Variants in KCNAB1 observed in about 807,000 individuals in gnomAD.
The protein encoded by KCNAB1 is potassium voltage-gated channel subfamily A regulatory beta subunit 1.
KCNAB1 carries 35 observed loss-of-function variants against 64.6 expected under a neutral mutation model. The observed-to-expected ratio is 0.54, with a 90% CI of 0.41 to 0.72. The LOEUF is 0.72. Ranked by LOEUF, KCNAB1 falls within the 30% of genes least tolerant of loss-of-function variation. KCNAB1 has a pLI of 0.00. For synonymous variants in KCNAB1, 177 were observed against 183.8 expected, an observed-to-expected ratio of 0.96 and a Z score of 0.30; for missense variants, 401 against 512.9, an observed-to-expected ratio of 0.78 and a Z score of 2.11.
chr3:156,209,938 G>C (rs1185711077), intron 1 of KCNAB1, among the ~76,000 whole-genome samples: 1 of 152,244 alleles, frequency 6.6e-6, no homozygotes, highest in African/African-American at 2.4e-5. Context: ...TTAGACATTA[G>C]AGACAATTTC....
chr3:156,139,584 GTTTTTT>G (rs386398329), intron 1 of KCNAB1, among the ~76,000 whole-genome samples: 54 of 55,256 alleles, frequency 9.8e-4, no homozygotes, highest in Admixed American at 2.3e-3. Context: ...ATTGTACTGT[GTTTTTT>G]TTTTTTTTTT....
intron 1 of KCNAB1, among the ~76,000 whole-genome samples, chr3:156,299,145 C>T (rs1413718139): frequency 6.6e-6 from 1 of 152,230 alleles, no homozygotes; most frequent in Admixed American, 6.5e-5. Flanking sequence ...GGGCAGAGTT[C>T]CTTATGCTCC....
intron 1 of KCNAB1, among the ~76,000 whole-genome samples, chr3:156,165,053 C>T (rs374261823): frequency 6.6e-6 from 1 of 151,746 alleles, no homozygotes; most frequent in African/African-American, 2.4e-5. Flanking sequence ...CCGAGGCGGG[C>T]GGATCACGAG....
At chr3:156,443,774 ACACACAC>A (rs1282740281) in intron 2 of KCNAB1, among the ~76,000 whole-genome samples, 6 of 146,668 alleles carry the variant, frequency 4.1e-5, no homozygotes, top group Non-Finnish European at 9.0e-5. Flanking sequence ...ACACACACAC[ACACACAC>A]TATTCTTTAC....
At chr3:156,169,684 T>A (rs1711834346) in intron 1 of KCNAB1, among the ~76,000 whole-genome samples, 1 of 152,190 alleles carries the variant, frequency 6.6e-6, no homozygotes, top group South Asian at 2.1e-4. Flanking sequence ...TGTCTCGTGA[T>A]AGAGTCCTCA....
chr3:156,206,178 G>A (rs1441144033), intron 1 of KCNAB1, among the ~76,000 whole-genome samples: 1 of 152,138 alleles, frequency 6.6e-6, no homozygotes, highest in Non-Finnish European at 1.5e-5. Context: ...TTTGACCAGT[G>A]GTTCTCAGAT....
At chr3:156,282,603 G>A (rs1203874774) in intron 1 of KCNAB1, among the ~76,000 whole-genome samples, 13 of 134,766 alleles carry the variant, frequency 9.6e-5, no homozygotes, top group African/African-American at 3.4e-4. Context: ...GGGAGTCTAA[G>A]TCTCTTTGTA....
intron 2 of KCNAB1, among the ~76,000 whole-genome samples, chr3:156,430,639 T>A (rs1403701980): frequency 6.6e-6 from 1 of 152,144 alleles, no homozygotes; most frequent in Non-Finnish European, 1.5e-5. Flanking sequence ...AAGGCCAGTG[T>A]TAGAGACAGC....
chr3:156,319,528 C>T (rs1722515991), intron 1 of KCNAB1, among the ~76,000 whole-genome samples: 1 of 152,126 alleles, frequency 6.6e-6, no homozygotes, highest in Non-Finnish European at 1.5e-5. Context: ...TTAAGAAGGG[C>T]AGGGAAGTAC....
At chr3:156,367,521 A>G (rs994431362) in intron 1 of KCNAB1, among the ~76,000 whole-genome samples, 1 of 151,962 alleles carries the variant, frequency 6.6e-6, no homozygotes, top group Non-Finnish European at 1.5e-5. Flanking sequence ...TCACAGAAAA[A>G]CCTGTTTGGA....
At chr3:156,484,942 C>G (rs976655744) in intron 8 of KCNAB1, among the ~76,000 whole-genome samples, 1 of 152,060 alleles carries the variant, frequency 6.6e-6, no homozygotes, top group African/African-American at 2.4e-5. Context: ...AGACCTTCAG[C>G]TTCTCAGTTT....
At position 156,537,779 on chromosome 3, in the gene KCNAB1, T is replaced by C. The variant is rs1719156760; in HGVS notation, c.*1032T>C. On this transcript the variant is annotated 3_prime_UTR_variant, in exon 14 of 14. Transcript: ENST00000490337. ...CCCAGGAAGGCAAATGTTCATTGTT[T>C]AATTAGCACTGGGATTTTATAATAT... 1 of 152,654 alleles carries C rather than the reference T, an allele frequency of 6.6e-6. No individual in the cohort carries two copies. Among genetic ancestry groups the C allele is most frequent in the Non-Finnish European group, 1.5e-5 (1 of 68,040 alleles). The allele number at this position is 152,654 out of a possible 1,614,324, so 9.5% of individuals were successfully genotyped here.
intron 8 of KCNAB1, 82 bp downstream of exon 8, chr3:156,474,902 T>C: frequency 9.2e-7 from 1 of 1,092,308 alleles, no homozygotes; most frequent in South Asian, 1.3e-5. Context: ...GGAAATGAAT[T>C]GTATTCAGAC....
At chr3:156,437,977 C>T (rs754242059) in intron 2 of KCNAB1, among the ~76,000 whole-genome samples, 1 of 152,176 alleles carries the variant, frequency 6.6e-6, no homozygotes, top group Non-Finnish European at 1.5e-5. Flanking sequence ...GTTGTCATCT[C>T]GGCTGCCATT....
At chr3:156,255,474 G>C (rs1332065538) in intron 1 of KCNAB1, among the ~76,000 whole-genome samples, 1 of 152,136 alleles carries the variant, frequency 6.6e-6, no homozygotes, top group Non-Finnish European at 1.5e-5. Flanking sequence ...CCTGAATTGA[G>C]TTTAGTAAGC....
chr3:156,344,755 T>G (rs1376269557), intron 1 of KCNAB1, among the ~76,000 whole-genome samples: 2 of 152,010 alleles, frequency 1.3e-5, no homozygotes, highest in Non-Finnish European at 2.9e-5. Flanking sequence ...TAAAAAGAAA[T>G]AAACTGAGAG....
At chr3:156,148,819 A>G (rs557510620) in intron 1 of KCNAB1, among the ~76,000 whole-genome samples, 54 of 151,734 alleles carry the variant, frequency 3.6e-4, no homozygotes, top group Non-Finnish European at 6.2e-4. Flanking sequence ...AATTCTGAAC[A>G]TATCACCCTC....
chr3:156,406,995 A>G (rs1411020200), intron 1 of KCNAB1, among the ~76,000 whole-genome samples: 1 of 152,206 alleles, frequency 6.6e-6, no homozygotes, highest in Non-Finnish European at 1.5e-5. Context: ...GTGTTCTTCT[A>G]AAAGTCCTCC....
At chr3:156,265,450 G>A (rs1718641003) in intron 1 of KCNAB1, among the ~76,000 whole-genome samples, 1 of 152,126 alleles carries the variant, frequency 6.6e-6, no homozygotes, top group South Asian at 2.1e-4. Flanking sequence ...CTGATTCAGT[G>A]GGCCATTCCA....
Sources: allele counts gnomAD v4.1 joint callset (sites outside exome capture counted in the v4.1 genomes callset), GRCh38; gene constraint gnomAD v4.1.1; transcripts MANE v1.5; gene names NCBI Gene and HGNC (gene_info 2026-07-23, HGNC 2026-07-21).